LARS2: variants seen among roughly 807,000 people sequenced by gnomAD.
LARS2 encodes leucine--tRNA ligase, mitochondrial.
LARS2 carries 81 observed loss-of-function variants against 116.6 expected under a neutral mutation model. The observed-to-expected ratio is 0.69, with a 90% CI of 0.58 to 0.84. The LOEUF is 0.84. LARS2 is among the 40% of genes least tolerant of loss of function. LARS2 has a pLI of 0.00. For synonymous variants in LARS2, 396 were observed against 407.2 expected, an observed-to-expected ratio of 0.97 and a Z score of 0.33; for missense variants, 968 against 1,114.5, an observed-to-expected ratio of 0.87 and a Z score of 1.87.
chr3:45,430,468 G>A (rs1405710778), intron 6 of LARS2, among the ~76,000 whole-genome samples: 19 of 147,316 alleles, frequency 1.3e-4, no homozygotes, highest in Non-Finnish European at 1.8e-4. Flanking sequence ...TTTTAGTAGA[G>A]ACGGGGTTTC....
At chr3:45,451,184 G>A (rs960077285) in intron 7 of LARS2, among the ~76,000 whole-genome samples, 7 of 151,634 alleles carry the variant, frequency 4.6e-5, no homozygotes, top group African/African-American at 1.5e-4. Flanking sequence ...TTCCTTTGCT[G>A]TGCAGAAGCT....
intron 4 of LARS2, among the ~76,000 whole-genome samples, chr3:45,404,841 C>A (rs1459194826): frequency 6.6e-6 from 1 of 152,134 alleles, no homozygotes; most frequent in Non-Finnish European, 1.5e-5. Context: ...CCTGCCTCGG[C>A]CTCTCAAAGT....
intron 13 of LARS2, among the ~76,000 whole-genome samples, chr3:45,494,125 A>G (rs1699969849): frequency 6.6e-6 from 1 of 151,898 alleles, no homozygotes; most frequent in Admixed American, 6.6e-5. Flanking sequence ...AAAAGCTTCT[A>G]CTCTTAGAGA....
At chr3:45,439,451 C>G (rs1204673437) in intron 6 of LARS2, among the ~76,000 whole-genome samples, 1 of 151,978 alleles carries the variant, frequency 6.6e-6, no homozygotes, top group Non-Finnish European at 1.5e-5. Flanking sequence ...GAACTCCTTA[C>G]CTCGTGATCC....
intron 20 of LARS2, among the ~76,000 whole-genome samples, chr3:45,527,230 CT>C (rs1336062238): frequency 3.9e-5 from 6 of 152,110 alleles, no homozygotes; most frequent in African/African-American, 1.4e-4. Context: ...TGAATTTGGG[CT>C]TTGGTAGAAT....
At chr3:45,469,372 C>T (rs572288683) in intron 8 of LARS2, among the ~76,000 whole-genome samples, 1 of 152,078 alleles carries the variant, frequency 6.6e-6, no homozygotes, top group East Asian at 1.9e-4. Flanking sequence ...TTGAGACAGA[C>T]TCTCACTCTG....
chr3:45,430,793 G>C (rs1315558870), intron 6 of LARS2, among the ~76,000 whole-genome samples: 1 of 150,684 alleles, frequency 6.6e-6, no homozygotes, highest in African/African-American at 2.4e-5. Flanking sequence ...CACCGTGTTA[G>C]CCAGGATGGT....
intron 4 of LARS2, among the ~76,000 whole-genome samples, chr3:45,403,086 CAA>C (rs1222440708): frequency 2.2e-5 from 2 of 92,618 alleles, no homozygotes; most frequent in East Asian, 6.4e-4. Context: ...GCCTGGGCAA[CAA>C]GAGCGAAACT....
At chr3:45,450,563 TG>T (rs1256273072) in intron 7 of LARS2, among the ~76,000 whole-genome samples, 2 of 152,216 alleles carry the variant, frequency 1.3e-5, no homozygotes, top group African/African-American at 4.8e-5. Context: ...TTGTTTTTTA[TG>T]GCTGAATAAT....
At chr3:45,409,346 A>G (rs1488851386) in intron 4 of LARS2, among the ~76,000 whole-genome samples, 1 of 152,218 alleles carries the variant, frequency 6.6e-6, no homozygotes, top group Non-Finnish European at 1.5e-5. Flanking sequence ...ACCTAACAGG[A>G]GAGTTTGGAG....
chr3:45,535,399 A>T (rs1387766566), intron 20 of LARS2, among the ~76,000 whole-genome samples: 2 of 151,440 alleles, frequency 1.3e-5, no homozygotes, highest in African/African-American at 4.8e-5. Context: ...AAGAAAGAAA[A>T]TCACCAAACA....
chr3:45,403,130 A>AAAAAAAAAAAAAAAAAT (rs1456792064), intron 4 of LARS2, among the ~76,000 whole-genome samples: 6 of 150,296 alleles, frequency 4.0e-5, no homozygotes, highest in African/African-American at 1.5e-4. Context: ...AAAAAAAAAA[A>AAAAAAAAAAAAAAAAAT]AGAAAGATGT....
intron 15 of LARS2, among the ~76,000 whole-genome samples, chr3:45,511,708 A>G (rs909348614): frequency 6.6e-6 from 1 of 152,012 alleles, no homozygotes; most frequent in Non-Finnish European, 1.5e-5. Context: ...ACTTGATAAA[A>G]TACAAGACCT....
At chr3:45,482,751 G>T (rs758727861) in intron 10 of LARS2, among the ~76,000 whole-genome samples, 5 of 152,178 alleles carry the variant, frequency 3.3e-5, no homozygotes, top group African/African-American at 4.8e-5. Flanking sequence ...AAGTTCAGTG[G>T]CTATGACAGA....
At chr3:45,432,765 A>C (rs1381251349) in intron 6 of LARS2, among the ~76,000 whole-genome samples, 1 of 152,110 alleles carries the variant, frequency 6.6e-6, no homozygotes, top group East Asian at 1.9e-4. Flanking sequence ...AGAAGAAGGA[A>C]ATAAATATTA....
At chr3:45,528,105 G>A (rs1700558719) in intron 20 of LARS2, among the ~76,000 whole-genome samples, 1 of 152,208 alleles carries the variant, frequency 6.6e-6, no homozygotes, top group African/African-American at 2.4e-5. Flanking sequence ...GGAAGGCCCA[G>A]GCAGGAGGAT....
chr3:45,445,223 A>G (rs371364899), intron 6 of LARS2, among the ~76,000 whole-genome samples: 7 of 152,186 alleles, frequency 4.6e-5, no homozygotes, highest in Admixed American at 1.3e-4. Context: ...GGGTGCCTCA[A>G]TGTGCCAGGA....
intron 6 of LARS2, among the ~76,000 whole-genome samples, chr3:45,430,218 C>G (rs1227028216): frequency 2.8e-4 from 42 of 150,024 alleles, no homozygotes; most frequent in Admixed American, 5.3e-4. Flanking sequence ...GTGATCCGCC[C>G]GCCTTGGCCT....
At chr3:45,453,125 C>G (rs186875935) in intron 7 of LARS2, among the ~76,000 whole-genome samples, 1 of 151,764 alleles carries the variant, frequency 6.6e-6, no homozygotes, top group Non-Finnish European at 1.5e-5. Context: ...ATTTTATTGG[C>G]CTTTTTCTTT....
Sources: gnomAD v4.1 joint callset for allele counts (sites outside exome capture counted in the v4.1 genomes callset) on GRCh38, gnomAD v4.1.1 for gene constraint, MANE v1.5 for transcripts, NCBI Gene and HGNC (gene_info 2026-07-23, HGNC 2026-07-21) for gene names.